The following SLC7A2 variants were observed in gnomAD, a reference collection of about 807,000 sequenced individuals.
The protein encoded by SLC7A2 is cationic amino acid transporter 2.
In SLC7A2, 48 loss-of-function variants were observed where a neutral mutation model predicts 58.9. That is an observed-to-expected ratio of 0.82 (90% confidence interval 0.65 to 1.04). The LOEUF (loss-of-function observed/expected upper bound fraction) is 1.04. Among genes scored for constraint, SLC7A2 ranks in the 50% least tolerant of loss-of-function variants. The pLI is 0.00. For synonymous variants in SLC7A2, 363 were observed against 314.5 expected, an observed-to-expected ratio of 1.15 and a Z score of -1.63; for missense variants, 1,029 against 818.8, an observed-to-expected ratio of 1.26 and a Z score of -3.13.
chr8:17,514,896 G>T (rs1800742458), intron 2 of SLC7A2, among the ~76,000 whole-genome samples: 1 of 152,022 alleles, frequency 6.6e-6, no homozygotes, highest in Non-Finnish European at 1.5e-5. Context: ...GAATATTTCT[G>T]GTATTTGATA....
intron 2 of SLC7A2, among the ~76,000 whole-genome samples, chr8:17,508,183 A>G (rs1023648369): frequency 2.6e-5 from 4 of 152,176 alleles, no homozygotes; most frequent in African/African-American, 9.7e-5. Flanking sequence ...ACCAAACAAA[A>G]AAAGAGCAGA....
At chr8:17,557,758 G>T (rs1266991733) in intron 8 of SLC7A2, among the ~76,000 whole-genome samples, 1 of 152,268 alleles carries the variant, frequency 6.6e-6, no homozygotes, top group African/African-American at 2.4e-5. Flanking sequence ...GACCAGGGGG[G>T]TGGAGATTGC....
At position 17,544,558 on chromosome 8, in the gene SLC7A2, G is replaced by A. The variant is rs753479751; in HGVS notation, c.484G>A (p.Ala162Thr). The A allele has an allele frequency of 2.4e-5, 38 of 1,613,894 alleles. No individual in the cohort carries two copies. Among genetic ancestry groups the A allele is most frequent in the Non-Finnish European group, 3.1e-5 (37 of 1,179,946 alleles). The change falls in exon 4 of 13, where the codon GCA becomes ACA. Residue 162 changes from alanine to threonine, a missense_variant. Coordinates refer to ENST00000494857, the MANE Select transcript of SLC7A2 (RefSeq NM_001370338.1). ...TYFRMNYTGL[A>T]EYPDFFAVCL... ...CTTCAGAATGAATTACACTGGTCTT[G>A]CAGAATATCCCGATTTTTTTGCTGT...
Position 17,563,617 on chromosome 8 carries a change from A to AT in SLC7A2, c.1691dup (p.Leu564PhefsTer41), listed in dbSNP as rs1481593942. On this transcript the variant is annotated frameshift_variant, in exon 12 of 13. Coordinates refer to ENST00000494857, the MANE Select transcript of SLC7A2 (RefSeq NM_001370338.1). LOFTEE classifies it high-confidence loss of function. ...TTCCCCCTCAGGTTCCATTCTTACC[A>AT]TTTTTGCCAGCGTTCAGCATCTTGG... The AT allele has an allele frequency of 4.3e-6, 7 of 1,609,984 alleles. No individual in the cohort carries two copies. The highest frequency in any genetic ancestry group is 5.9e-6 in the Non-Finnish European group (7 of 1,176,806).
intron 2 of SLC7A2, among the ~76,000 whole-genome samples, chr8:17,502,720 G>A (rs1800213319): frequency 6.6e-6 from 1 of 152,054 alleles, no homozygotes; most frequent in Non-Finnish European, 1.5e-5. Flanking sequence ...ATTATTTAAA[G>A]GAATCCTGGA....
At chr8:17,494,885 G>C (rs1281515148), upstream of SLC7A2, among the ~76,000 whole-genome samples, 1 of 152,222 alleles carries the variant, frequency 6.6e-6, no homozygotes, top group African/African-American at 2.4e-5. Context: ...TGAAGTTGTT[G>C]TTCTTATTCA....
At chr8:17,519,282 T>G (rs1485144925) in intron 2 of SLC7A2, among the ~76,000 whole-genome samples, 3 of 152,214 alleles carry the variant, frequency 2.0e-5, no homozygotes, top group Non-Finnish European at 4.4e-5. Context: ...GCCTAGTTCC[T>G]AAAACATAGT....
At chr8:17,560,293 T>G in intron 9 of SLC7A2, 35 bp from the exon 10 acceptor site, 97 of 1,550,736 alleles carry the variant, frequency 6.3e-5, no homozygotes, top group Non-Finnish European at 7.4e-5. Context: ...AATGTCTATT[T>G]GAGAATAAAG....
chr8:17,538,054 C>G (rs1403488766), intron 2 of SLC7A2, among the ~76,000 whole-genome samples: 1 of 152,210 alleles, frequency 6.6e-6, no homozygotes, highest in Non-Finnish European at 1.5e-5. Context: ...TCTTTACAGA[C>G]TTCCCAGAAT....
upstream of SLC7A2, among the ~76,000 whole-genome samples, chr8:17,496,332 C>G (rs894678889): frequency 6.6e-6 from 1 of 152,092 alleles, no homozygotes; most frequent in Non-Finnish European, 1.5e-5. Context: ...TAAAGACAAA[C>G]CACACACACA....
chr8:17,519,462 G>C (rs980174995), intron 2 of SLC7A2, among the ~76,000 whole-genome samples: 1 of 152,080 alleles, frequency 6.6e-6, no homozygotes, highest in Admixed American at 6.5e-5. Context: ...CTCTATCTTC[G>C]TCCATATTTC....
intron 2 of SLC7A2, among the ~76,000 whole-genome samples, chr8:17,522,602 A>G (rs1801059771): frequency 6.6e-6 from 1 of 152,186 alleles, no homozygotes; most frequent in South Asian, 2.1e-4. Context: ...TCTGCTTCCC[A>G]GTTTTTAGCT....
intron 2 of SLC7A2, among the ~76,000 whole-genome samples, chr8:17,531,147 C>T (rs1163133117): frequency 6.6e-6 from 1 of 152,182 alleles, no homozygotes; most frequent in Non-Finnish European, 1.5e-5. Context: ...ATATCTCTCT[C>T]TCTGTCTGCA....
chr8:17,531,714 ATTATT>A (rs1801457991), intron 2 of SLC7A2, among the ~76,000 whole-genome samples: 1 of 152,074 alleles, frequency 6.6e-6, no homozygotes, highest in Non-Finnish European at 1.5e-5. Flanking sequence ...GACTAATATG[ATTATT>A]TTAAGGGTTT....
intron 2 of SLC7A2, among the ~76,000 whole-genome samples, chr8:17,509,978 G>A (rs1197604825): frequency 6.6e-6 from 1 of 152,084 alleles, no homozygotes; most frequent in African/African-American, 2.4e-5. Flanking sequence ...CCAGCACTTT[G>A]GGAGGCCAAG....
chr8:17,564,887 T>C, intron 12 of SLC7A2, 63 bp from the exon 13 acceptor site: 1 of 1,339,532 alleles, frequency 7.5e-7, no homozygotes, highest in South Asian at 1.5e-5. Context: ...TCCACCTCAA[T>C]AACTTAAAAG....
intron 2 of SLC7A2, among the ~76,000 whole-genome samples, chr8:17,518,637 G>A (rs1800894460): frequency 7.1e-6 from 1 of 141,130 alleles, no homozygotes; most frequent in Non-Finnish European, 1.6e-5. Context: ...AAAACCATTA[G>A]CAAAAGACAA....
intron 2 of SLC7A2, among the ~76,000 whole-genome samples, chr8:17,534,267 G>A (rs1201841548): frequency 6.6e-6 from 1 of 152,184 alleles, no homozygotes; most frequent in Non-Finnish European, 1.5e-5. Context: ...TATGTGGACA[G>A]TGGATTCAAA....
intron 8 of SLC7A2, among the ~76,000 whole-genome samples, chr8:17,556,016 T>C (rs1802685282): frequency 6.6e-6 from 1 of 152,216 alleles, no homozygotes; most frequent in Admixed American, 6.5e-5. Context: ...TCATTCTGTG[T>C]AAAATGGAAT....
Sources: allele counts gnomAD v4.1 joint callset (sites outside exome capture counted in the v4.1 genomes callset), GRCh38; gene constraint gnomAD v4.1.1; transcripts MANE v1.5; gene names NCBI Gene and HGNC (gene_info 2026-07-23, HGNC 2026-07-21).